Variants in NKAIN2 observed in about 807,000 individuals in gnomAD.
NKAIN2 encodes sodium/potassium transporting ATPase interacting 2, also known as sodium/potassium-transporting ATPase subunit beta-1-interacting protein 2.
NKAIN2 carries 14 observed loss-of-function variants against 32.6 expected under a neutral mutation model. That is an observed-to-expected ratio of 0.43 (90% confidence interval 0.28 to 0.67). The LOEUF (loss-of-function observed/expected upper bound fraction) is 0.67, where lower values mean the gene tolerates loss of function less well. Among genes scored for constraint, NKAIN2 ranks in the 30% least tolerant of loss-of-function variants. The pLI is 0.17. For missense variants in NKAIN2, 198 were observed against 258.3 expected, an observed-to-expected ratio of 0.77 and a Z score of 1.60; for synonymous variants, 80 against 87.2, an observed-to-expected ratio of 0.92 and a Z score of 0.46.
chr6:124,301,204 G>A (rs1467084777), intron 2 of NKAIN2, among the ~76,000 whole-genome samples: 1 of 152,196 alleles, frequency 6.6e-6, no homozygotes, highest in African/African-American at 2.4e-5. Flanking sequence ...CTCGGGCCAT[G>A]GCTTCAGAGG....
Position 124,610,395 on chromosome 6 carries a change from A to G in NKAIN2, c.274-47791A>G, listed in dbSNP as rs748394548. ...ATCCTAGTACTATTTCATGACTTGT[A>G]TCTGGATTAAATATGCATTGGAAAA... On this transcript the variant is annotated intron_variant, in intron 3 of 6. Coordinates refer to ENST00000368417, the MANE Select transcript of NKAIN2 (RefSeq NM_001040214.3). 1.6e-4 allele frequency among the ~76,000 whole-genome samples: 25 copies of G among 152,306 alleles called. 1 individual carries two copies. The highest frequency in any genetic ancestry group is 3.4e-3 in the Middle Eastern group (1 of 294).
intron 3 of NKAIN2, among the ~76,000 whole-genome samples, chr6:124,585,730 A>G (rs1208085557): frequency 8.0e-6 from 1 of 124,564 alleles, no homozygotes; most frequent in Non-Finnish European, 1.7e-5. Context: ...AGCATAAGTT[A>G]TTATTACACA....
At chr6:124,410,502 G>A (rs1254600471) in intron 3 of NKAIN2, among the ~76,000 whole-genome samples, 18 of 152,206 alleles carry the variant, frequency 1.2e-4, no homozygotes, top group Admixed American at 3.9e-4. Flanking sequence ...GTAGTTGAGC[G>A]GTTTTGAGTG....
chr6:123,938,090 G>A (rs1387183989), intron 1 of NKAIN2, among the ~76,000 whole-genome samples: 9 of 151,860 alleles, frequency 5.9e-5, no homozygotes, highest in Non-Finnish European at 1.3e-4. Context: ...TCTTTGGTGA[G>A]AAAAACAAAA....
chr6:124,003,278 G>T (rs1779948383), intron 1 of NKAIN2, among the ~76,000 whole-genome samples: 2 of 152,124 alleles, frequency 1.3e-5, no homozygotes, highest in Non-Finnish European at 2.9e-5. Flanking sequence ...CTTACCATGT[G>T]CATTATTTTT....
chr6:124,785,445 G>T (rs960582357), intron 4 of NKAIN2, among the ~76,000 whole-genome samples: 2 of 152,120 alleles, frequency 1.3e-5, no homozygotes, highest in African/African-American at 4.8e-5. Context: ...CTCACTGTTG[G>T]TATGATTAGT....
At chr6:123,891,361 A>G (rs902854445) in intron 1 of NKAIN2, among the ~76,000 whole-genome samples, 2 of 152,196 alleles carry the variant, frequency 1.3e-5, no homozygotes, top group African/African-American at 4.8e-5. Flanking sequence ...ACCACACACA[A>G]AAAGCAATGT....
chr6:124,138,103 T>TCCAACAAATGACTA (rs1420485148), intron 1 of NKAIN2, among the ~76,000 whole-genome samples: 11 of 152,124 alleles, frequency 7.2e-5, no homozygotes, highest in Non-Finnish European at 1.5e-4. Flanking sequence ...AAACTATGCA[T>TCCAACAAATGACTA]CCAACAAATG....
In NKAIN2 at chr6:123,970,471, G is replaced by A. The variant is rs913854734; in HGVS notation, c.54+166217G>A. On this transcript the variant is annotated intron_variant, in intron 1 of 6. Coordinates refer to ENST00000368417, the MANE Select transcript of NKAIN2 (RefSeq NM_001040214.3). ...ACGGGAAATAGTACTGAATGAGGAA[G>A]AAGCCCCAGAATCAGCCTTTGACTT... 3.3e-5 allele frequency among the ~76,000 whole-genome samples: 5 copies of A among 152,292 alleles called. No individual in the cohort carries two copies. The East Asian group carries it at 9.6e-4, about 29-fold the overall frequency.
chr6:124,382,155 T>A (rs901282151), intron 3 of NKAIN2, among the ~76,000 whole-genome samples: 1 of 152,086 alleles, frequency 6.6e-6, no homozygotes, highest in Non-Finnish European at 1.5e-5. Flanking sequence ...GTAAGACAGA[T>A]GTTTTACTGT....
At chr6:124,793,838 A>C (rs183163791) in intron 5 of NKAIN2, among the ~76,000 whole-genome samples, 18 of 152,228 alleles carry the variant, frequency 1.2e-4, no homozygotes, top group Non-Finnish European at 2.2e-4. Context: ...CATTACCTTG[A>C]GGCCAGATAC....
intron 4 of NKAIN2, among the ~76,000 whole-genome samples, chr6:124,744,572 C>T (rs1777370130): frequency 6.6e-6 from 1 of 151,490 alleles, no homozygotes. Flanking sequence ...TACTTTTATC[C>T]CCGTGTAGTG....
intron 1 of NKAIN2, among the ~76,000 whole-genome samples, chr6:124,080,942 G>A (rs566709373): frequency 5.9e-5 from 9 of 151,992 alleles, no homozygotes; most frequent in Non-Finnish European, 1.2e-4. Flanking sequence ...AAACTAACTC[G>A]CCTGCATAGG....
intron 1 of NKAIN2, among the ~76,000 whole-genome samples, chr6:123,901,612 C>G (rs1396777258): frequency 1.3e-5 from 2 of 152,112 alleles, no homozygotes; most frequent in Admixed American, 6.5e-5. Flanking sequence ...AGACATTTCC[C>G]TTCCGGCTCC....
At chr6:124,214,258 T>C (rs1791343633) in intron 1 of NKAIN2, among the ~76,000 whole-genome samples, 1 of 152,194 alleles carries the variant, frequency 6.6e-6, no homozygotes, top group Non-Finnish European at 1.5e-5. Context: ...CACATAGATG[T>C]AAAGATGTAA....
intron 3 of NKAIN2, among the ~76,000 whole-genome samples, chr6:124,576,046 A>G (rs1446063050): frequency 6.6e-6 from 1 of 152,216 alleles, no homozygotes; most frequent in Non-Finnish European, 1.5e-5. Context: ...ATGGATTCAC[A>G]TGAAGGAAAA....
intron 1 of NKAIN2, among the ~76,000 whole-genome samples, chr6:123,908,750 G>A (rs770393926): frequency 1.6e-4 from 24 of 152,244 alleles, no homozygotes; most frequent in African/African-American, 2.2e-4. Flanking sequence ...TTTGATTAGC[G>A]TTTTTAAATT....
intron 1 of NKAIN2, among the ~76,000 whole-genome samples, chr6:124,113,255 T>C (rs1360859880): frequency 6.6e-6 from 1 of 152,124 alleles, no homozygotes; most frequent in Non-Finnish European, 1.5e-5. Context: ...GCTTACTCTG[T>C]GATAAACTGA....
chr6:124,288,007 C>A (rs549001333), intron 2 of NKAIN2, among the ~76,000 whole-genome samples: 8 of 151,808 alleles, frequency 5.3e-5, no homozygotes, highest in African/African-American at 1.9e-4. Context: ...AACTCAGTCT[C>A]CAAACTAGAA....
Sources: gnomAD v4.1 joint callset for allele counts (sites outside exome capture counted in the v4.1 genomes callset) on GRCh38, gnomAD v4.1.1 for gene constraint, MANE v1.5 for transcripts, NCBI Gene and HGNC (gene_info 2026-07-23, HGNC 2026-07-21) for gene names.